The following LRRC7 variants were observed in gnomAD, a reference collection of about 807,000 sequenced individuals.
The protein encoded by LRRC7 is leucine-rich repeat-containing protein 7.
In LRRC7, 23 loss-of-function variants were observed where a neutral mutation model predicts 175.7. The ratio of observed to expected loss-of-function variants is 0.13; its 90% CI spans 0.09 to 0.19. LRRC7 has a LOEUF of 0.19. LRRC7 is among the 10% of genes least tolerant of loss of function. The probability of loss-of-function intolerance (pLI) is 1.00; values close to 1 mark genes in which losing one functional copy is unlikely to be tolerated. For synonymous variants in LRRC7, 685 were observed against 680.9 expected, an observed-to-expected ratio of 1.01 and a Z score of -0.09; for missense variants, 1,354 against 1,904.7, an observed-to-expected ratio of 0.71 and a Z score of 5.38.
chr1:69,621,585 T>C (rs1267823272), intron 1 of LRRC7, among the ~76,000 whole-genome samples: 3 of 152,226 alleles, frequency 2.0e-5, no homozygotes, highest in Non-Finnish European at 2.9e-5. Flanking sequence ...ACATGCGATC[T>C]CTTTACTAGA....
chr1:70,045,596 A>G (rs1279301219), intron 22 of LRRC7, among the ~76,000 whole-genome samples: 1 of 152,228 alleles, frequency 6.6e-6, no homozygotes, highest in Non-Finnish European at 1.5e-5. Flanking sequence ...GAGATATCAC[A>G]ACTTTAAATA....
Position 69,612,706 on chromosome 1 carries a change from C to G in LRRC7, c.2+44065C>G, listed in dbSNP as rs549720090. Among the ~76,000 whole-genome samples, 5 of 152,074 alleles carry G rather than the reference C, an allele frequency of 3.3e-5. No homozygotes were observed. In the East Asian group the frequency reaches 9.7e-4, roughly 29 times the overall value. On this transcript the variant is annotated intron_variant, in intron 1 of 26. Coordinates refer to ENST00000651989, the MANE Select transcript of LRRC7 (RefSeq NM_001370785.2). ...TTTTATACCATATACTGTAATTTAC[C>G]TAAATAAGTTCTAATGTTTTGACTT... is the stretch of plus-strand genomic sequence containing the variant.
chr1:70,028,334 A>G lies in LRRC7; in HGVS notation c.1958A>G (p.His653Arg), dbSNP rs1317560283. The change falls in exon 18 of 27, where the codon CAC becomes CGC. Residue 653 changes from histidine (H) to arginine (R), a missense_variant. Physicochemically the swap from His to Arg is conservative, Grantham distance 29 (BLOSUM62 0). Around this residue, in one of 4 missense-constraint regions of LRRC7, gnomAD observed 1,032 missense variants for 1,227.2 expected, o/e 0.84. Transcript: ENST00000651989. ...TEQTVKEKYEHKWPVAPKEIT... is the reference protein window; with the variant it reads ...TEQTVKEKYERKWPVAPKEIT... ...CAAACTGTGAAAGAAAAATATGAAC[A>G]CAAGTGGCCGGTAGCCCCAAAGGAG... is the stretch of plus-strand genomic sequence containing the variant. The G allele has an allele frequency of 6.2e-7, 1 of 1,613,492 alleles. No individual in the cohort carries two copies. The highest frequency in any genetic ancestry group is 8.5e-7 in the Non-Finnish European group (1 of 1,179,722).
chr1:69,702,171 G>A (rs901279223), intron 2 of LRRC7, among the ~76,000 whole-genome samples: 1 of 152,262 alleles, frequency 6.6e-6, no homozygotes, highest in East Asian at 1.9e-4. Context: ...CCCAGAGAAT[G>A]AATAATGTTA....
intron 1 of LRRC7, among the ~76,000 whole-genome samples, chr1:69,589,115 G>GGGGTGTGTGTGTGTGTGT (rs1216721512): frequency 7.0e-6 from 1 of 142,354 alleles, no homozygotes; most frequent in African/African-American, 2.6e-5. Flanking sequence ...TCATAAAAAG[G>GGGGTGTGTGTGTGTGTGT]GTGTGTGTGT....
chr1:70,098,646 C>T (rs1229005763), intron 25 of LRRC7, among the ~76,000 whole-genome samples: 1 of 151,948 alleles, frequency 6.6e-6, no homozygotes, highest in African/African-American at 2.4e-5. Context: ...GATATCACCA[C>T]TGATCCCACA....
At chr1:70,051,050 G>C (rs1660708963) in intron 22 of LRRC7, among the ~76,000 whole-genome samples, 1 of 151,936 alleles carries the variant, frequency 6.6e-6, no homozygotes, top group Non-Finnish European at 1.5e-5. Context: ...ATTTTGAAAA[G>C]AACTAGATTA....
chr1:69,918,995 A>T (rs1354202396), intron 7 of LRRC7, among the ~76,000 whole-genome samples: 1 of 152,218 alleles, frequency 6.6e-6, no homozygotes, highest in Non-Finnish European at 1.5e-5. Flanking sequence ...GAAGTTATGA[A>T]CCAAAGGTTT....
chr1:69,791,956 T>C, intron 3 of LRRC7, 87 bp from the exon 4 acceptor site: 1 of 847,776 alleles, frequency 1.2e-6, no homozygotes. Flanking sequence ...ACTACATATA[T>C]AAACATGGTG....
intron 7 of LRRC7, chr1:69,873,589 G>A: frequency 6.0e-6 from 3 of 501,998 alleles, no homozygotes; most frequent in South Asian, 4.4e-5. Context: ...AGGAGCATCA[G>A]CACGAATAGA....
chr1:70,080,369 TTATGTA>T (rs1663117385), intron 24 of LRRC7, among the ~76,000 whole-genome samples: 1 of 152,208 alleles, frequency 6.6e-6, no homozygotes, highest in Non-Finnish European at 1.5e-5. Context: ...GTGTCATTTG[TTATGTA>T]AGCGGAGTAT....
chr1:70,016,619 T>A, intron 14 of LRRC7, 85 bp downstream of exon 14: 1 of 986,002 alleles, frequency 1.0e-6, no homozygotes. Flanking sequence ...AATAGATACC[T>A]TTGACAGCAG....
chr1:69,899,756 T>A (rs1646081860), intron 7 of LRRC7, among the ~76,000 whole-genome samples: 1 of 152,210 alleles, frequency 6.6e-6, no homozygotes, highest in Admixed American at 6.5e-5. Context: ...TGCTCCCTCC[T>A]TAATAGGATT....
intron 7 of LRRC7, among the ~76,000 whole-genome samples, chr1:69,890,818 A>T (rs1645811909): frequency 6.6e-6 from 1 of 152,212 alleles, no homozygotes; most frequent in African/African-American, 2.4e-5. Flanking sequence ...TGTCATGAAG[A>T]TGACTTATTT....
At chr1:70,098,837 C>T (rs1664599033) in intron 25 of LRRC7, among the ~76,000 whole-genome samples, 1 of 151,360 alleles carries the variant, frequency 6.6e-6, no homozygotes, top group Admixed American at 6.6e-5. Context: ...CAATAGCTTA[C>T]CAACCAAAAA....
At chr1:69,976,771 A>G (rs1180350796) in intron 8 of LRRC7, among the ~76,000 whole-genome samples, 1 of 152,048 alleles carries the variant, frequency 6.6e-6, no homozygotes, top group Non-Finnish European at 1.5e-5. Context: ...GCCCTCAAGT[A>G]TTAGTGTCCC....
At chr1:70,090,758 TCTCAA>T (rs1272005816) in intron 25 of LRRC7, among the ~76,000 whole-genome samples, 1 of 152,066 alleles carries the variant, frequency 6.6e-6, no homozygotes, top group African/African-American at 2.4e-5. Context: ...GTCCATATCC[TCTCAA>T]CTCATCACAA....
Position 70,126,872 on chromosome 1 carries a change from T to C in LRRC7, c.*4985T>C, listed in dbSNP as rs1484948702. The stretch of plus-strand genomic sequence containing the variant: ...GTTTCTAGCGTGTAAAACTGACCTG[T>C]CTTCATTGCTGCAGTTGCTGCTATA... On this transcript the variant is annotated 3_prime_UTR_variant, in exon 27 of 27. Coordinates refer to ENST00000651989, the MANE Select transcript of LRRC7 (RefSeq NM_001370785.2). 6.6e-6 allele frequency among the ~76,000 whole-genome samples: 1 copy of C among 152,194 alleles called. No homozygotes were observed. Among genetic ancestry groups the C allele is most frequent in the Admixed American group, 6.5e-5 (1 of 15,282 alleles).
chr1:69,928,809 G>C (rs890690314), intron 7 of LRRC7, among the ~76,000 whole-genome samples: 1 of 152,102 alleles, frequency 6.6e-6, no homozygotes, highest in Non-Finnish European at 1.5e-5. Flanking sequence ...AGTGCGCTGC[G>C]CCCACTGTCC....
Sources: gnomAD v4.1 joint callset for allele counts (sites outside exome capture counted in the v4.1 genomes callset) on GRCh38, gnomAD v4.1.1 for gene constraint, gnomAD v4.1.1 regional missense constraint, MANE v1.5 for transcripts, NCBI Gene and HGNC (gene_info 2026-07-23, HGNC 2026-07-21) for gene names.